Variants in AGBL1 observed in about 807,000 individuals in gnomAD.
AGBL1 encodes cytosolic carboxypeptidase 4.
Under a neutral mutation model 118.9 loss-of-function variants are expected in AGBL1, and 130 were observed. That is an observed-to-expected ratio of 1.09 (90% CI 0.95 to 1.26). The LOEUF (loss-of-function observed/expected upper bound fraction) is 1.26, where lower values mean the gene tolerates loss of function less well. Ranked by LOEUF, AGBL1 falls within the 50% of genes most tolerant of loss-of-function variation. The pLI is 0.00. For synonymous variants in AGBL1, 555 were observed against 478.9 expected (o/e 1.16, Z -2.08); for missense variants, 1,584 against 1,298.1 (o/e 1.22, Z -3.38).
chr15:86,240,233 C>T (rs1351862854), intron 6 of AGBL1, among the ~76,000 whole-genome samples: 4 of 152,178 alleles, frequency 2.6e-5, no homozygotes, highest in African/African-American at 9.7e-5. Context: ...TAGCCTAGTG[C>T]AGAGCACATA....
intron 17 of AGBL1, among the ~76,000 whole-genome samples, chr15:86,350,563 A>C (rs1407491406): frequency 6.6e-6 from 1 of 152,172 alleles, no homozygotes; most frequent in Non-Finnish European, 1.5e-5. Context: ...TAGCAGTAGT[A>C]AGTTATACAT....
chr15:86,522,157 G>T (rs1267731013), intron 18 of AGBL1, among the ~76,000 whole-genome samples: 1 of 152,062 alleles, frequency 6.6e-6, no homozygotes, highest in Non-Finnish European at 1.5e-5. Flanking sequence ...CCCAAATAAG[G>T]GAATGTATGA....
At chr15:86,509,339 T>C (rs971064161) in intron 18 of AGBL1, among the ~76,000 whole-genome samples, 6 of 151,870 alleles carry the variant, frequency 4.0e-5, no homozygotes, top group African/African-American at 1.2e-4. Flanking sequence ...GTGAGGGGAT[T>C]TGAGAGTTGG....
intron 1 of AGBL1, among the ~76,000 whole-genome samples, chr15:86,090,553 T>C (rs1411390033): frequency 6.6e-6 from 1 of 152,214 alleles, no homozygotes; most frequent in African/African-American, 2.4e-5. Context: ...TGCCAAGACA[T>C]ATAGCCAGCT....
At chr15:86,366,236 A>G (rs1323483941) in intron 17 of AGBL1, among the ~76,000 whole-genome samples, 3 of 152,204 alleles carry the variant, frequency 2.0e-5, no homozygotes, top group Non-Finnish European at 2.9e-5. Flanking sequence ...GTCTGAGACA[A>G]TGGCTGAAAA....
At chr15:86,656,460 G>A (rs1346244592) in intron 21 of AGBL1, among the ~76,000 whole-genome samples, 9 of 152,120 alleles carry the variant, frequency 5.9e-5, no homozygotes, top group Admixed American at 5.9e-4. Flanking sequence ...TCTAAAGGAA[G>A]TAACTTGCTG....
At chr15:86,978,751 T>C (rs1026603645) in intron 23 of AGBL1, among the ~76,000 whole-genome samples, 2 of 152,122 alleles carry the variant, frequency 1.3e-5, no homozygotes, top group Non-Finnish European at 2.9e-5. Context: ...CTGCAGTTCA[T>C]GTAAAAGAAC....
At chr15:86,353,940 C>T (rs1015436160) in intron 17 of AGBL1, among the ~76,000 whole-genome samples, 1 of 152,140 alleles carries the variant, frequency 6.6e-6, no homozygotes, top group Non-Finnish European at 1.5e-5. Flanking sequence ...AAAGTAGGTG[C>T]TTTTTTCTTT....
At chr15:86,620,887 T>A (rs1309032863) in intron 21 of AGBL1, among the ~76,000 whole-genome samples, 1 of 152,162 alleles carries the variant, frequency 6.6e-6, no homozygotes, top group Non-Finnish European at 1.5e-5. Context: ...ACGGCTCTTT[T>A]TCAAGTCGCC....
intron 1 of AGBL1, among the ~76,000 whole-genome samples, chr15:86,091,160 A>G (rs182040589): frequency 6.6e-6 from 1 of 152,228 alleles, no homozygotes; most frequent in East Asian, 1.9e-4. Context: ...TAGCAATATA[A>G]TCTGTTTCTT....
chr15:86,987,975 T>C, intron 23 of AGBL1: 1 of 1,611,678 alleles, frequency 6.2e-7, no homozygotes, highest in Non-Finnish European at 8.5e-7. Flanking sequence ...CTCATTTATC[T>C]GAACATTACA....
chr15:86,325,212 A>T (rs1246235697), intron 17 of AGBL1, among the ~76,000 whole-genome samples: 1 of 152,236 alleles, frequency 6.6e-6, no homozygotes, highest in Non-Finnish European at 1.5e-5. Context: ...TGGACAAAAA[A>T]TAATGAGTAT....
At chr15:86,523,199 G>A (rs1450401232) in intron 19 of AGBL1, among the ~76,000 whole-genome samples, 3 of 152,194 alleles carry the variant, frequency 2.0e-5, no homozygotes, top group African/African-American at 7.2e-5. Context: ...GCAGGATCAT[G>A]CCCACTCTGA....
rs117631191 is a variant in AGBL1 at position 86,704,281 on chromosome 15, G to A, written c.3158+29845G>A. ...GCAATTGCAACAAAAGGCAAAATTG[G>A]CAAATGGCATCTAATTAAACTAAAA... On this transcript the variant is annotated intron_variant, in intron 22 of 22. Transcript: ENST00000614907. Among the ~76,000 whole-genome samples, 255 of 152,162 alleles carry A rather than the reference G, an allele frequency of 1.7e-3. 3 individuals are homozygous for A. In the East Asian group the frequency reaches 0.02, roughly 12 times the overall value.
intron 22 of AGBL1, among the ~76,000 whole-genome samples, chr15:86,814,443 C>A (rs1157291032): frequency 6.6e-6 from 1 of 152,126 alleles, no homozygotes; most frequent in Admixed American, 6.6e-5. Context: ...AGAGACTGAA[C>A]CTACATAGGA....
chr15:86,370,933 A>T (rs1291082125), intron 17 of AGBL1, among the ~76,000 whole-genome samples: 1 of 152,220 alleles, frequency 6.6e-6, no homozygotes, highest in Non-Finnish European at 1.5e-5. Context: ...CATGTGAAGC[A>T]TGTGAAGGCT....
intron 5 of AGBL1, among the ~76,000 whole-genome samples, chr15:86,160,099 GTTTTTT>G (rs1162570173): frequency 9.1e-6 from 1 of 110,274 alleles, no homozygotes; most frequent in East Asian, 2.7e-4. Context: ...GGGAACTGTG[GTTTTTT>G]TTTTTTTTTT....
rs1044643699 is a variant in AGBL1 at position 86,406,541 on chromosome 15, C to T, written c.2555+8995C>T. ...TCAGGACTATTGCATTGTATAATTC[C>T]AAAGGGCATCATTTACATTATAATC... On this transcript the variant is annotated intron_variant, in intron 18 of 22. Coordinates refer to ENST00000614907, the MANE Select transcript of AGBL1 (RefSeq NM_001386094.1). Among the ~76,000 whole-genome samples the T allele has an allele frequency of 1.5e-4, 23 of 152,178 alleles. No homozygotes were observed. The East Asian group carries it at 3.5e-3, about 23-fold the overall frequency.
At chr15:86,895,613 T>C (rs2080114629) in intron 22 of AGBL1, among the ~76,000 whole-genome samples, 1 of 151,748 alleles carries the variant, frequency 6.6e-6, no homozygotes, top group African/African-American at 2.4e-5. Context: ...TTAATTTCTT[T>C]TTTCTGCCTC....
Sources: gnomAD v4.1 joint callset for allele counts (sites outside exome capture counted in the v4.1 genomes callset) on GRCh38, gnomAD v4.1.1 for gene constraint, MANE v1.5 for transcripts, NCBI Gene and HGNC (gene_info 2026-07-23, HGNC 2026-07-21) for gene names.